PAFAH1B1: variants seen among roughly 807,000 people sequenced by gnomAD.
PAFAH1B1 encodes platelet-activating factor acetylhydrolase IB subunit beta.
Under a neutral mutation model 57.5 loss-of-function variants are expected in PAFAH1B1, and 2 were observed. The observed-to-expected ratio is 0.03, with a 90% CI of 0.01 to 0.11. PAFAH1B1 has a LOEUF of 0.11. PAFAH1B1 is among the 10% of genes least tolerant of loss of function. PAFAH1B1 has a pLI of 1.00. For missense variants in PAFAH1B1, 257 were observed against 512.0 expected, an observed-to-expected ratio of 0.50 and a Z score of 4.81; for synonymous variants, 152 against 169.6, an observed-to-expected ratio of 0.90 and a Z score of 0.81.
intron 1 of PAFAH1B1, among the ~76,000 whole-genome samples, chr17:2,615,927 A>C (rs1364139043): frequency 6.6e-6 from 1 of 152,210 alleles, no homozygotes; most frequent in Non-Finnish European, 1.5e-5. Flanking sequence ...AAGAAGACAC[A>C]AGGAGAGAAA....
At chr17:2,646,774 C>T (rs1367146232) in intron 2 of PAFAH1B1, among the ~76,000 whole-genome samples, 1 of 152,174 alleles carries the variant, frequency 6.6e-6, no homozygotes, top group African/African-American at 2.4e-5. Context: ...ATATAGAGAA[C>T]ATTGTAACAT....
At chr17:2,608,214 A>G (rs941711609) in intron 1 of PAFAH1B1, among the ~76,000 whole-genome samples, 2 of 152,114 alleles carry the variant, frequency 1.3e-5, no homozygotes, top group African/African-American at 4.8e-5. Context: ...CCTCCTGAGT[A>G]GCTGGGACTA....
intron 2 of PAFAH1B1, among the ~76,000 whole-genome samples, chr17:2,652,575 C>G (rs916070276): frequency 7.5e-6 from 1 of 133,304 alleles, no homozygotes; most frequent in Non-Finnish European, 1.7e-5. Flanking sequence ...GTTTGAACAT[C>G]ATATATATTT....
At chr17:2,616,930 G>T (rs1305919976) in intron 1 of PAFAH1B1, among the ~76,000 whole-genome samples, 1 of 151,808 alleles carries the variant, frequency 6.6e-6, no homozygotes, top group Non-Finnish European at 1.5e-5. Context: ...AAAATTAGCC[G>T]GACCTGGTGG....
chr17:2,672,822 C>A (rs558202003), intron 7 of PAFAH1B1, 65 bp downstream of exon 7: 2 of 1,049,964 alleles, frequency 1.9e-6, no homozygotes, highest in Non-Finnish European at 3.0e-6. Flanking sequence ...GTCATCCCAG[C>A]GCTTTGGGAG....
Position 2,638,386 on chromosome 17 carries a change from A to T in PAFAH1B1, c.32+66A>T, listed in dbSNP as rs557368694. On this transcript the variant is annotated intron_variant, in intron 2 of 10. Transcript: ENST00000397195. ...ATGAGAGAGAAAGTAGTAAATTAAAATACAGCTTTGGGAGGTCTCTTCTAA... is the reference window on the plus strand; with the variant it reads ...ATGAGAGAGAAAGTAGTAAATTAAATTACAGCTTTGGGAGGTCTCTTCTAA... The T allele has an allele frequency of 1.3e-4, 177 of 1,317,794 alleles. 1 individual carries two copies. The East Asian group carries it at 4.1e-3, about 30-fold the overall frequency. The allele number at this position is 1,317,794 out of a possible 1,614,324, so 81.6% of individuals were successfully genotyped here. A position where few individuals can be genotyped will look rare whatever the true frequency, so the allele number is the denominator to read the frequency against.
In PAFAH1B1 at chr17:2,665,388, G is replaced by A. The variant is rs759371674; in HGVS notation, c.49G>A (p.Asp17Asn). 3 of 1,603,746 alleles carry A rather than the reference G, an allele frequency of 1.9e-6. No individual in the cohort carries two copies. In the African/African-American group the frequency reaches 4.0e-5, roughly 21 times the overall value. Residue 17 changes from aspartate (D) to asparagine (N), a missense_variant, in exon 3 of 11, where the codon GAT becomes AAT. Coordinates refer to ENST00000397195, the MANE Select transcript of PAFAH1B1 (RefSeq NM_000430.4). ...TTCTTTCAGAAATCGAGCTATAGCA[G>A]ATTATCTTCGTTCAAATGGCTATGA... ...QRDELNRAIA[D>N]YLRSNGYEEA...
At position 2,670,034 on chromosome 17, in the gene PAFAH1B1, A is replaced by T. The variant is rs1448852387; in HGVS notation, c.400-129A>T. On this transcript the variant is annotated intron_variant, in intron 5 of 10. Coordinates refer to ENST00000397195, the MANE Select transcript of PAFAH1B1 (RefSeq NM_000430.4). ...TATACATGAGATACAATATTTCTAAAATAGTTATCCTTTGTTACTTGTTCG... is the reference window on the plus strand; with the variant it reads ...TATACATGAGATACAATATTTCTAATATAGTTATCCTTTGTTACTTGTTCG... The T allele has an allele frequency of 1.0e-5, 8 of 795,664 alleles. No homozygotes were observed. The East Asian group carries it at 1.5e-4, about 15-fold the overall frequency. The allele number at this position is 795,664 out of a possible 1,614,324, so 49.3% of individuals were successfully genotyped here. A position where few individuals can be genotyped will look rare whatever the true frequency, so the allele number is the denominator to read the frequency against.
In PAFAH1B1 at chr17:2,680,154, TG is replaced by T; in HGVS notation, c.1003-9del. On this transcript the variant is annotated splice_polypyrimidine_tract_variant and intron_variant, in intron 9 of 10. Coordinates refer to ENST00000397195, the MANE Select transcript of PAFAH1B1 (RefSeq NM_000430.4). ...CTTTTACTGAGTCAAATAACTTTTT[TG>T]TTTTTAAGGTGGGTCATGATAACTG... is the stretch of plus-strand genomic sequence containing the variant. 1.9e-6 allele frequency: 3 copies of T among 1,613,692 alleles called. No individual in the cohort carries two copies. The highest frequency in any genetic ancestry group is 1.7e-5 in the Admixed American group (1 of 60,028).
In PAFAH1B1 at chr17:2,611,752, A is replaced by G. The variant is rs577005271; in HGVS notation, c.-191+17746A>G. Among the ~76,000 whole-genome samples the G allele has an allele frequency of 3.9e-5, 6 of 152,354 alleles. No homozygotes were observed. The South Asian group carries it at 1.2e-3, about 32-fold the overall frequency. ...TCTTAGTTTTTACTAGGATGCCTAC[A>G]GTAGTTGTTTAGAAACACTAATTAC... On this transcript the variant is annotated intron_variant, in intron 1 of 10. Coordinates refer to ENST00000397195, the MANE Select transcript of PAFAH1B1 (RefSeq NM_000430.4).
At chr17:2,612,367 C>G (rs1189938630) in intron 1 of PAFAH1B1, among the ~76,000 whole-genome samples, 2 of 151,912 alleles carry the variant, frequency 1.3e-5, no homozygotes, top group Non-Finnish European at 2.9e-5. Flanking sequence ...CCACGCCTGG[C>G]TAATTTTTTG....
At chr17:2,605,746 T>C (rs2068198363) in intron 1 of PAFAH1B1, among the ~76,000 whole-genome samples, 1 of 152,208 alleles carries the variant, frequency 6.6e-6, no homozygotes, top group Admixed American at 6.5e-5. Context: ...AGTACCTATT[T>C]TTCTCTTCTT....
At chr17:2,623,261 CTTT>C (rs376810275) in intron 1 of PAFAH1B1, among the ~76,000 whole-genome samples, 84 of 103,956 alleles carry the variant, frequency 8.1e-4, no homozygotes, top group African/African-American at 1.1e-3. Context: ...TTTTTCCTTT[CTTT>C]TTTTTTTTTT....
rs1327009359 is a variant in PAFAH1B1, at chr17:2,669,754, CTTCCCCTTCCCT to C, written c.400-400_400-389del. 3.3e-5 allele frequency among the ~76,000 whole-genome samples: 5 copies of C among 152,098 alleles called. No homozygotes were observed. The South Asian group carries it at 1.0e-3, about 32-fold the overall frequency. ...GCTATAGCCCTCTGAAGCTCCTTCC[CTTCCCCTTCCCT>C]TTCCCCTTTCTTTCCCTTTCCTTTC... On this transcript the variant is annotated intron_variant, in intron 5 of 10. Transcript: ENST00000397195.
At chr17:2,679,435 T>A (rs1378572649) in intron 9 of PAFAH1B1, among the ~76,000 whole-genome samples, 1 of 151,094 alleles carries the variant, frequency 6.6e-6, no homozygotes, top group Non-Finnish European at 1.5e-5. Context: ...GATGATTGGA[T>A]GGTTGGATGG....
At chr17:2,620,140 A>T (rs940451325) in intron 1 of PAFAH1B1, among the ~76,000 whole-genome samples, 15 of 152,168 alleles carry the variant, frequency 9.9e-5, no homozygotes, top group Admixed American at 6.6e-4. Flanking sequence ...TATTCAGAAG[A>T]AAGTGCGTAA....
In PAFAH1B1 at chr17:2,679,984, G is replaced by A. The variant is rs73304261; in HGVS notation, c.1003-180G>A. 3.4e-3 allele frequency: 2,152 copies of A among 635,940 alleles called. 28 individuals are homozygous for A. The highest frequency in any genetic ancestry group is 0.033 in the African/African-American group (1,814 of 54,590). The allele number at this position is 635,940 out of a possible 1,614,324, so 39.4% of individuals were successfully genotyped here. ...TCCAGGACCCAGTCAGGGATCGTAC[G>A]TTATATTCACTCCTCATGTCTTATG... On this transcript the variant is annotated intron_variant, in intron 9 of 10. Transcript: ENST00000397195.
chr17:2,613,976 G>A (rs367679999), intron 1 of PAFAH1B1: 1 of 174,104 alleles, frequency 5.7e-6, no homozygotes, highest in South Asian at 1.3e-4. Flanking sequence ...CAACAGTAGC[G>A]CAATGAGCGG....
Position 2,643,439 on chromosome 17 carries a change from T to C in PAFAH1B1, c.32+5119T>C, listed in dbSNP as rs765336406. On this transcript the variant is annotated intron_variant, in intron 2 of 10. Coordinates refer to ENST00000397195, the MANE Select transcript of PAFAH1B1 (RefSeq NM_000430.4). ...TGGCCACACTCAGCTAATTTTTCTT[T>C]AGTTTTTGTAGAGATGGTCTCACTA... 3.9e-5 allele frequency among the ~76,000 whole-genome samples: 6 copies of C among 152,094 alleles called. No homozygotes were observed. The South Asian group carries it at 8.3e-4, about 21-fold the overall frequency.
Sources: allele counts gnomAD v4.1 joint callset (sites outside exome capture counted in the v4.1 genomes callset), GRCh38; gene constraint gnomAD v4.1.1; transcripts MANE v1.5; gene names NCBI Gene and HGNC (gene_info 2026-07-23, HGNC 2026-07-21).